Variants in ERC2 observed in about 807,000 individuals in gnomAD.
The protein encoded by ERC2 is ELKS/RAB6-interacting/CAST family member 2, also known as ERC protein 2.
In ERC2, 42 loss-of-function variants were observed where a neutral mutation model predicts 114.8. The ratio of observed to expected loss-of-function variants is 0.37; its 90% CI spans 0.29 to 0.47. ERC2 has a LOEUF of 0.47. ERC2 is among the 20% of genes least tolerant of loss of function. The pLI is 0.99. For missense variants in ERC2, 939 were observed against 1,150.7 expected (o/e 0.82, Z 2.66); for synonymous variants, 454 against 425.5 (o/e 1.07, Z -0.82).
intron 14 of ERC2, among the ~76,000 whole-genome samples, chr3:55,829,319 A>C (rs1164598623): frequency 6.6e-6 from 1 of 152,234 alleles, no homozygotes; most frequent in Non-Finnish European, 1.5e-5. Flanking sequence ...AAATGGAAAG[A>C]TCGATCTCAG....
chr3:55,609,387 A>T (rs1440733975), intron 17 of ERC2, among the ~76,000 whole-genome samples: 1 of 152,188 alleles, frequency 6.6e-6, no homozygotes, highest in Non-Finnish European at 1.5e-5. Flanking sequence ...CATCAAAGCC[A>T]ATGAGAGACA....
At chr3:55,675,216 A>G (rs2061730896) in intron 17 of ERC2, among the ~76,000 whole-genome samples, 1 of 152,232 alleles carries the variant, frequency 6.6e-6, no homozygotes. Flanking sequence ...GCTAGAGGAC[A>G]TGTATATTCC....
intron 17 of ERC2, among the ~76,000 whole-genome samples, chr3:55,520,930 C>T (rs2052884604): frequency 2.0e-5 from 3 of 152,120 alleles, no homozygotes; most frequent in Admixed American, 2.0e-4. Context: ...GAAAGAGATG[C>T]CCCCTCCTAG....
chr3:56,227,723 C>T (rs1294406806), intron 3 of ERC2, among the ~76,000 whole-genome samples: 1 of 152,148 alleles, frequency 6.6e-6, no homozygotes, highest in African/African-American at 2.4e-5. Context: ...TCAGGAAAAC[C>T]ACTGGGAAAA....
chr3:56,145,377 C>A (rs986545345), intron 5 of ERC2, among the ~76,000 whole-genome samples: 1 of 152,114 alleles, frequency 6.6e-6, no homozygotes, highest in Non-Finnish European at 1.5e-5. Flanking sequence ...AGGAACAAAG[C>A]CTTATACAGA....
intron 13 of ERC2, among the ~76,000 whole-genome samples, chr3:55,936,514 A>G (rs1326554296): frequency 6.6e-6 from 1 of 152,236 alleles, no homozygotes; most frequent in Non-Finnish European, 1.5e-5. Context: ...AAAGAAAGAC[A>G]AGAACTATTA....
intron 17 of ERC2, among the ~76,000 whole-genome samples, chr3:55,656,086 C>G (rs781502008): frequency 1.5e-4 from 23 of 149,134 alleles, no homozygotes; most frequent in Non-Finnish European, 3.3e-4. Flanking sequence ...ACAGGTATAT[C>G]CATGGAATGC....
intron 2 of ERC2, among the ~76,000 whole-genome samples, chr3:56,365,768 C>T (rs2059126579): frequency 6.6e-6 from 1 of 152,196 alleles, no homozygotes; most frequent in South Asian, 2.1e-4. Flanking sequence ...CCTATGTCTG[C>T]TTTCATGCAC....
At chr3:56,305,391 AC>A (rs1297087519) in intron 2 of ERC2, among the ~76,000 whole-genome samples, 9 of 152,142 alleles carry the variant, frequency 5.9e-5, no homozygotes, top group African/African-American at 2.2e-4. Flanking sequence ...ATTTCACAGA[AC>A]AGGAAATACG....
chr3:56,240,327 G>C (rs1466047373), intron 3 of ERC2, among the ~76,000 whole-genome samples: 2 of 152,120 alleles, frequency 1.3e-5, no homozygotes. Flanking sequence ...GATGGGAGAA[G>C]TTTATTTAAC....
chr3:56,458,858 C>A (rs1448594571), intron 1 of ERC2, among the ~76,000 whole-genome samples: 8 of 152,188 alleles, frequency 5.3e-5, no homozygotes, highest in African/African-American at 1.9e-4. Context: ...AAAAAAGAGT[C>A]AACAACCCTG....
chr3:55,597,646 T>C (rs182954667), intron 17 of ERC2, among the ~76,000 whole-genome samples: 1 of 152,274 alleles, frequency 6.6e-6, no homozygotes, highest in African/African-American at 2.4e-5. Context: ...TCTGAAGTCA[T>C]CCTATTTGTT....
At chr3:55,791,716 T>C (rs985878757) in intron 14 of ERC2, among the ~76,000 whole-genome samples, 1 of 152,208 alleles carries the variant, frequency 6.6e-6, no homozygotes, top group Admixed American at 6.5e-5. Context: ...GAAATTCTTA[T>C]TTGTGGTCAA....
chr3:55,621,725 A>C (rs2148598766), intron 17 of ERC2, among the ~76,000 whole-genome samples: 1 of 152,320 alleles, frequency 6.6e-6, no homozygotes, highest in South Asian at 2.1e-4. Context: ...CTTGGGAAAA[A>C]GAATTCCTAG....
intron 17 of ERC2, among the ~76,000 whole-genome samples, chr3:55,581,992 A>G (rs2057285264): frequency 1.3e-5 from 2 of 152,104 alleles, no homozygotes; most frequent in Admixed American, 6.5e-5. Flanking sequence ...CCTGGGCTTT[A>G]TCCAGTCCTG....
chr3:56,458,013 C>T (rs2063141552), intron 1 of ERC2, among the ~76,000 whole-genome samples: 1 of 152,136 alleles, frequency 6.6e-6, no homozygotes, highest in African/African-American at 2.4e-5. Flanking sequence ...ACAAAATTAC[C>T]TGCTCTATTA....
chr3:56,090,211 T>A (rs2077711087), intron 6 of ERC2, among the ~76,000 whole-genome samples: 1 of 152,198 alleles, frequency 6.6e-6, no homozygotes, highest in South Asian at 2.1e-4. Context: ...AGCTGCATCA[T>A]CAAAAACTGG....
intron 7 of ERC2, among the ~76,000 whole-genome samples, chr3:56,037,798 G>C (rs2149648155): frequency 6.6e-6 from 1 of 152,256 alleles, no homozygotes; most frequent in Non-Finnish European, 1.5e-5. Context: ...AGGGCAGCCA[G>C]AGAGAAAGGT....
intron 13 of ERC2, among the ~76,000 whole-genome samples, chr3:55,949,913 TG>T (rs1303543957): frequency 6.6e-6 from 1 of 152,214 alleles, no homozygotes; most frequent in African/African-American, 2.4e-5. Flanking sequence ...AAGATATGGC[TG>T]TCCATTGAAA....
Sources: allele counts gnomAD v4.1 joint callset (sites outside exome capture counted in the v4.1 genomes callset), GRCh38; gene constraint gnomAD v4.1.1; transcripts MANE v1.5; gene names NCBI Gene and HGNC (gene_info 2026-07-23, HGNC 2026-07-21).